TMEM232: variants seen among roughly 807,000 people sequenced by gnomAD.
TMEM232 encodes the protein transmembrane protein 232.
TMEM232 carries 80 observed loss-of-function variants against 78.8 expected under a neutral mutation model. The ratio of observed to expected loss-of-function variants is 1.01; its 90% CI spans 0.85 to 1.22. The LOEUF (loss-of-function observed/expected upper bound fraction) is 1.22, where lower values mean the gene tolerates loss of function less well. TMEM232 is among the 50% of genes most tolerant of loss of function. The pLI, the probability that TMEM232 is intolerant of heterozygous loss-of-function variation, is 0.00. For synonymous variants in TMEM232, 297 were observed against 254.3 expected (o/e 1.17, Z -1.60); for missense variants, 881 against 742.2 (o/e 1.19, Z -2.17).
At chr5:110,734,653 G>C (rs1798988732) in intron 2 of TMEM232, among the ~76,000 whole-genome samples, 1 of 152,108 alleles carries the variant, frequency 6.6e-6, no homozygotes, top group Non-Finnish European at 1.5e-5. Context: ...AATATTCTTG[G>C]TTGCTTCCAT....
chr5:110,640,025 C>G (rs531647808), intron 4 of TMEM232, among the ~76,000 whole-genome samples: 1 of 152,328 alleles, frequency 6.6e-6, no homozygotes, highest in South Asian at 2.1e-4. Context: ...GATTCACCCC[C>G]CTCGGGTTGG....
downstream of TMEM232, among the ~76,000 whole-genome samples, chr5:110,416,899 A>G (rs181929211): frequency 4.4e-3 from 676 of 152,298 alleles, 5 homozygotes; most frequent in African/African-American, 0.015. Context: ...AAACCACTAT[A>G]AATCATTTGC....
chr5:110,718,117 A>G (rs947337461), intron 1 of TMEM232, among the ~76,000 whole-genome samples: 4 of 152,138 alleles, frequency 2.6e-5, no homozygotes, highest in Non-Finnish European at 2.9e-5. Flanking sequence ...AAAATTATAC[A>G]TATTTGTCAA....
intron 12 of TMEM232, among the ~76,000 whole-genome samples, chr5:110,435,126 G>A (rs530351352): frequency 2.2e-4 from 34 of 151,844 alleles, no homozygotes; most frequent in African/African-American, 7.2e-4. Context: ...AAAAGAGAAA[G>A]TCAAATTATT....
chr5:110,705,356 C>A (rs775472227), intron 1 of TMEM232, among the ~76,000 whole-genome samples: 20 of 151,962 alleles, frequency 1.3e-4, no homozygotes, highest in Non-Finnish European at 2.4e-4. Context: ...AATATATTGA[C>A]AAGAAGAGTC....
chr5:110,591,417 T>A (rs73224370), intron 10 of TMEM232, among the ~76,000 whole-genome samples: 1 of 152,110 alleles, frequency 6.6e-6, no homozygotes, highest in South Asian at 2.1e-4. Context: ...ATGTACCTTA[T>A]ACATAAATAA....
At chr5:110,738,838 T>A, upstream of TMEM232, 1 of 629,354 alleles carries the variant, frequency 1.6e-6, no homozygotes, top group Non-Finnish European at 2.6e-6. Flanking sequence ...GTACTGTGTT[T>A]CATTAATCCC....
intron 1 of TMEM232, among the ~76,000 whole-genome samples, chr5:110,700,092 T>C (rs1795257648): frequency 6.6e-6 from 1 of 152,082 alleles, no homozygotes; most frequent in African/African-American, 2.4e-5. Flanking sequence ...AGCAGACAGC[T>C]GAAGACAGGG....
At chr5:110,732,715 G>T (rs1392127496) in intron 2 of TMEM232, among the ~76,000 whole-genome samples, 5 of 152,152 alleles carry the variant, frequency 3.3e-5, no homozygotes, top group African/African-American at 9.7e-5. Flanking sequence ...TTTGGGTGGG[G>T]ACACAACGAA....
chr5:110,736,188 C>A (rs1222288855), intron 1 of TMEM232, among the ~76,000 whole-genome samples: 1 of 152,098 alleles, frequency 6.6e-6, no homozygotes, highest in East Asian at 1.9e-4. Flanking sequence ...GCAATAAACT[C>A]TGGACGATTT....
At chr5:110,494,413 A>G (rs1166198356) in intron 12 of TMEM232, among the ~76,000 whole-genome samples, 1 of 152,070 alleles carries the variant, frequency 6.6e-6, no homozygotes, top group Non-Finnish European at 1.5e-5. Context: ...TTGTTTACCC[A>G]CTAGATTGCC....
chr5:110,421,420 T>A (rs115582426), intron 13 of TMEM232, among the ~76,000 whole-genome samples: 5,369 of 151,368 alleles, frequency 0.035, 242 homozygotes, highest in East Asian at 0.21. Flanking sequence ...ATGAAAAATA[T>A]ATATATATAT....
chr5:110,682,755 T>C (rs1217291976), intron 1 of TMEM232, among the ~76,000 whole-genome samples: 1 of 152,158 alleles, frequency 6.6e-6, no homozygotes, highest in Non-Finnish European at 1.5e-5. Flanking sequence ...GACAAGAATA[T>C]CCCAGTAGAC....
chr5:110,525,679 G>A (rs1007603142), intron 12 of TMEM232, among the ~76,000 whole-genome samples: 1 of 151,522 alleles, frequency 6.6e-6, no homozygotes, highest in African/African-American at 2.4e-5. Flanking sequence ...AAGTAGACAA[G>A]CTAATTCTAA....
At chr5:110,682,980 C>G (rs964111104) in intron 1 of TMEM232, among the ~76,000 whole-genome samples, 6 of 152,156 alleles carry the variant, frequency 3.9e-5, no homozygotes, top group African/African-American at 1.4e-4. Flanking sequence ...TGCTCCAGAA[C>G]AGACTATGTC....
At chr5:110,495,648 G>A (rs759572988) in intron 12 of TMEM232, among the ~76,000 whole-genome samples, 4 of 151,714 alleles carry the variant, frequency 2.6e-5, no homozygotes, top group Non-Finnish European at 4.4e-5. Flanking sequence ...ACACATATTA[G>A]TATAACAATA....
At chr5:110,416,736 G>T (rs311699), downstream of TMEM232, among the ~76,000 whole-genome samples, 41,549 of 152,024 alleles carry the variant, frequency 0.27, 9,363 homozygotes, top group African/African-American at 0.61. Context: ...ATTATAATTG[G>T]TAAACATCAC....
intron 12 of TMEM232, among the ~76,000 whole-genome samples, chr5:110,511,557 G>A (rs1767755596): frequency 6.6e-6 from 1 of 151,748 alleles, no homozygotes; most frequent in Admixed American, 6.6e-5. Context: ...ATTCATTTAT[G>A]TAATAATAAT....
chr5:110,682,947 A>G (rs1249873274), intron 1 of TMEM232, among the ~76,000 whole-genome samples: 1 of 152,142 alleles, frequency 6.6e-6, no homozygotes, highest in East Asian at 1.9e-4. Flanking sequence ...GCAATGCAGG[A>G]ATCAGCAGCT....
Sources: gnomAD v4.1 joint callset for allele counts (sites outside exome capture counted in the v4.1 genomes callset) on GRCh38, gnomAD v4.1.1 for gene constraint, MANE v1.5 for transcripts, NCBI Gene and HGNC (gene_info 2026-07-23, HGNC 2026-07-21) for gene names.